Variants in DGKG observed in about 807,000 individuals in gnomAD.
DGKG encodes diacylglycerol kinase gamma.
A neutral mutation model predicts 105.3 loss-of-function variants in DGKG; 78 were observed. That is an observed-to-expected ratio of 0.74 (90% CI 0.62 to 0.89). DGKG has a LOEUF of 0.89. DGKG is among the 40% of genes least tolerant of loss of function. The pLI, the probability that DGKG is intolerant of heterozygous loss-of-function variation, is 0.00. For synonymous variants in DGKG, 346 were observed against 367.1 expected, an observed-to-expected ratio of 0.94 and a Z score of 0.66; for missense variants, 958 against 1,020.1, an observed-to-expected ratio of 0.94 and a Z score of 0.83.
rs555004186 is a variant in DGKG at position 186,272,693 on chromosome 3, A to G, written c.911-350T>C. Among the ~76,000 whole-genome samples the G allele has an allele frequency of 5.3e-5, 8 of 152,276 alleles. 1 individual carries two copies. In the South Asian group the frequency reaches 1.7e-3, roughly 32 times the overall value. On this transcript the variant is annotated intron_variant, in intron 10 of 24. Transcript: ENST00000265022. ...AGTGCCACTGTATTGCATGCCCGGG[A>G]CATTGGAAAATGAATAGAAAGGCCA...
intron 17 of DGKG, among the ~76,000 whole-genome samples, chr3:186,257,141 C>A (rs1391911757): frequency 6.6e-6 from 1 of 152,250 alleles, no homozygotes; most frequent in African/African-American, 2.4e-5. Context: ...ACTTTGATGA[C>A]TGTCCTCCCC....
intron 21 of DGKG, among the ~76,000 whole-genome samples, chr3:186,206,841 A>G (rs1718768088): frequency 6.6e-6 from 1 of 151,836 alleles, no homozygotes; most frequent in Non-Finnish European, 1.5e-5. Context: ...CCTCTGCCTC[A>G]TGAGTTCAAG....
At chr3:186,155,366 A>G (rs1715985736) in intron 24 of DGKG, among the ~76,000 whole-genome samples, 1 of 151,828 alleles carries the variant, frequency 6.6e-6, no homozygotes. Flanking sequence ...CTAATTTTTT[A>G]TATTTTCAGT....
intron 19 of DGKG, among the ~76,000 whole-genome samples, chr3:186,249,747 C>T (rs1057164435): frequency 3.3e-5 from 5 of 152,176 alleles, no homozygotes; most frequent in Non-Finnish European, 5.9e-5. Flanking sequence ...GCAGGAGAAT[C>T]GCTTGAACCT....
At chr3:186,285,316 C>T (rs572956625) in intron 6 of DGKG, among the ~76,000 whole-genome samples, 1 of 152,204 alleles carries the variant, frequency 6.6e-6, no homozygotes, top group Non-Finnish European at 1.5e-5. Context: ...TTCAAATGAA[C>T]ATTTATATAT....
chr3:186,163,558 G>A (rs1716399670), intron 23 of DGKG, among the ~76,000 whole-genome samples: 1 of 152,054 alleles, frequency 6.6e-6, no homozygotes, highest in Admixed American at 6.5e-5. Context: ...GACCCTGAGG[G>A]TATTTAATAA....
At chr3:186,298,362 TGG>T in intron 3 of DGKG, 133 bp from the exon 4 acceptor site, 1 of 812,214 alleles carries the variant, frequency 1.2e-6, no homozygotes. Context: ...GAGGAGCTGA[TGG>T]GGACAGGAAT....
intron 1 of DGKG, among the ~76,000 whole-genome samples, chr3:186,340,428 G>C (rs186378253): frequency 6.6e-6 from 1 of 152,274 alleles, no homozygotes; most frequent in Admixed American, 6.5e-5. Flanking sequence ...CAATTGGAGG[G>C]ACTGGCTCCC....
At chr3:186,191,492 A>G (rs1427287867) in intron 21 of DGKG, among the ~76,000 whole-genome samples, 1 of 152,122 alleles carries the variant, frequency 6.6e-6, no homozygotes, top group African/African-American at 2.4e-5. Context: ...TTGGATTCAA[A>G]TGTGTGTGTG....
chr3:186,161,245 G>C (rs1716276039), intron 24 of DGKG: 2 of 1,044,550 alleles, frequency 1.9e-6, no homozygotes, highest in African/African-American at 1.7e-5. Context: ...CAGCAGAACA[G>C]TCTTCCTTTT....
At chr3:186,236,415 TGAAC>T (rs940467279) in intron 20 of DGKG, among the ~76,000 whole-genome samples, 1 of 152,238 alleles carries the variant, frequency 6.6e-6, no homozygotes, top group Non-Finnish European at 1.5e-5. Context: ...CTGTGTACTA[TGAAC>T]TTAGGTATTA....
chr3:186,308,207 G>A (rs1356979297), intron 2 of DGKG, among the ~76,000 whole-genome samples: 1 of 152,136 alleles, frequency 6.6e-6, no homozygotes, highest in African/African-American at 2.4e-5. Flanking sequence ...GAAGCAACTG[G>A]AGGCAAGACT....
chr3:186,355,959 T>A (rs1483663548), intron 1 of DGKG, among the ~76,000 whole-genome samples: 1 of 152,222 alleles, frequency 6.6e-6, no homozygotes, highest in African/African-American at 2.4e-5. Flanking sequence ...GAAATTAGTT[T>A]ATGTCAGACC....
intron 2 of DGKG, among the ~76,000 whole-genome samples, chr3:186,317,593 A>ACCCTG (rs1280154336): frequency 2.0e-5 from 3 of 151,546 alleles, no homozygotes; most frequent in African/African-American, 7.3e-5. Flanking sequence ...GATGTCCTCC[A>ACCCTG]CCCTGCCCTG....
intron 20 of DGKG, among the ~76,000 whole-genome samples, chr3:186,241,408 C>A (rs1458907261): frequency 6.6e-6 from 1 of 151,922 alleles, no homozygotes; most frequent in East Asian, 1.9e-4. Flanking sequence ...CAAAAGTTAG[C>A]CAGGCATGAT....
chr3:186,246,799 C>T (rs758301316), intron 19 of DGKG, among the ~76,000 whole-genome samples: 9 of 152,150 alleles, frequency 5.9e-5, no homozygotes, highest in African/African-American at 1.4e-4. Context: ...TAGCTAGGAA[C>T]GATCTGCAAG....
intron 2 of DGKG, among the ~76,000 whole-genome samples, chr3:186,309,328 G>A (rs1013135652): frequency 3.3e-5 from 5 of 152,226 alleles, no homozygotes; most frequent in African/African-American, 1.2e-4. Flanking sequence ...TTTAGGACAA[G>A]TCAGAACCAG....
At chr3:186,316,527 A>G (rs1484583686) in intron 2 of DGKG, among the ~76,000 whole-genome samples, 1 of 152,224 alleles carries the variant, frequency 6.6e-6, no homozygotes, top group Non-Finnish European at 1.5e-5. Flanking sequence ...AAATTTCTTA[A>G]TATCACATTA....
chr3:186,321,204 C>T (rs1377545300), intron 1 of DGKG, among the ~76,000 whole-genome samples: 3 of 152,194 alleles, frequency 2.0e-5, no homozygotes, highest in Non-Finnish European at 4.4e-5. Context: ...GAGGAATGGG[C>T]TGCTGGCCTC....
Sources: gnomAD v4.1 joint callset for allele counts (sites outside exome capture counted in the v4.1 genomes callset) on GRCh38, gnomAD v4.1.1 for gene constraint, MANE v1.5 for transcripts, NCBI Gene and HGNC (gene_info 2026-07-23, HGNC 2026-07-21) for gene names.